Variants in AHCY observed in about 807,000 individuals in gnomAD.
AHCY encodes adenosylhomocysteinase.
A neutral mutation model predicts 45.4 loss-of-function variants in AHCY; 24 were observed. The observed-to-expected ratio is 0.53, with a 90% CI of 0.38 to 0.74. The LOEUF is 0.74. AHCY is among the 30% of genes least tolerant of loss of function. The pLI, the probability that AHCY is intolerant of heterozygous loss-of-function variation, is 0.00. For missense variants in AHCY, 449 were observed against 594.1 expected (o/e 0.76, Z 2.54); for synonymous variants, 245 against 235.1 (o/e 1.04, Z -0.39).
chr20:34,277,248 C>T (rs1368270396), downstream of AHCY, among the ~76,000 whole-genome samples: 1 of 152,138 alleles, frequency 6.6e-6, no homozygotes. Flanking sequence ...GACATGGACT[C>T]GGGTGGGACA....
intron 5 of AHCY, among the ~76,000 whole-genome samples, 179 bp from the exon 6 acceptor site, chr20:34,291,117 G>C (rs2036372717): frequency 1.3e-5 from 2 of 152,302 alleles, no homozygotes; most frequent in South Asian, 4.1e-4. Flanking sequence ...TCGGCTCAAA[G>C]AGCTTCTCTC....
chr20:34,240,298 T>A, the AHCY span, among the ~76,000 whole-genome samples: 1 of 152,174 alleles, frequency 6.6e-6, no homozygotes, highest in South Asian at 2.1e-4. Context: ...GCTGGGCTTG[T>A]GAAAAATTTA....
the AHCY span, among the ~76,000 whole-genome samples, chr20:34,258,845 GTATA>G: frequency 3.6e-3 from 420 of 116,568 alleles, 2 homozygotes; most frequent in Non-Finnish European, 6.2e-3. Flanking sequence ...TATATATAGT[GTATA>G]TATAATATAT....
rs1298093501 is a variant in AHCY, at chr20:34,303,346, C to T, written c.-76G>A. 10 of 1,543,978 alleles carry T rather than the reference C, an allele frequency of 6.5e-6. No homozygotes were observed. Among genetic ancestry groups the T allele is most frequent in the East Asian group, 2.4e-5 (1 of 40,880 alleles). ...GGGAACAGGAACTGGGCGGGCAGCGCCGAGCAGGGATATGCGCGTGGCGCC... is the reference window on the plus strand; with the variant it reads ...GGGAACAGGAACTGGGCGGGCAGCGTCGAGCAGGGATATGCGCGTGGCGCC... On this transcript the variant is annotated 5_prime_UTR_variant, in exon 1 of 10. Coordinates refer to ENST00000217426, the MANE Select transcript of AHCY (RefSeq NM_000687.4).
the AHCY span, among the ~76,000 whole-genome samples, chr20:34,268,187 A>C: frequency 6.6e-6 from 1 of 152,200 alleles, no homozygotes; most frequent in African/African-American, 2.4e-5. Flanking sequence ...GCCACAGATG[A>C]CCAGTGGCTA....
intron 1 of AHCY, among the ~76,000 whole-genome samples, chr20:34,309,493 C>T (rs867793850): frequency 3.9e-5 from 6 of 152,296 alleles, no homozygotes; most frequent in African/African-American, 1.4e-4. Flanking sequence ...AACAGCAAGA[C>T]CTCCTCTCTT....
At chr20:34,252,722 G>T in the AHCY span, among the ~76,000 whole-genome samples, 1 of 152,114 alleles carries the variant, frequency 6.6e-6, no homozygotes, top group Admixed American at 6.6e-5. Context: ...GGATGGTAAG[G>T]TCTTTCCTTT....
downstream of AHCY, among the ~76,000 whole-genome samples, chr20:34,277,681 G>C (rs560555644): frequency 8.7e-4 from 131 of 151,162 alleles, 1 homozygote; most frequent in Non-Finnish European, 1.5e-4. Flanking sequence ...CGTGAACCTG[G>C]GAGGCGGAGC....
At chr20:34,242,902 GAGA>G in the AHCY span, among the ~76,000 whole-genome samples, 10 of 152,246 alleles carry the variant, frequency 6.6e-5, no homozygotes, top group Non-Finnish European at 1.2e-4. Flanking sequence ...CATGATTACT[GAGA>G]AGGAGAAAAG....
At chr20:34,237,921 A>T in the AHCY span, among the ~76,000 whole-genome samples, 1 of 152,022 alleles carries the variant, frequency 6.6e-6, no homozygotes, top group Non-Finnish European at 1.5e-5. Flanking sequence ...CTGATATAGG[A>T]TTCTTGGTTG....
At chr20:34,250,154 A>G in the AHCY span, 5 of 152,278 alleles carry the variant, frequency 3.3e-5, no homozygotes, top group African/African-American at 4.8e-5. Flanking sequence ...GGAAGCCACT[A>G]TTATGACTAA....
At chr20:34,260,455 G>C in the AHCY span, 1 of 1,614,168 alleles carries the variant, frequency 6.2e-7, no homozygotes, top group African/African-American at 1.3e-5. Context: ...TGCCACCTGA[G>C]GAGAAGCTCC....
chr20:34,281,263 T>G (rs182043752), intron 9 of AHCY, 98 bp from the exon 10 acceptor site: 2 of 1,555,396 alleles, frequency 1.3e-6, no homozygotes, highest in East Asian at 4.5e-5. Context: ...CTGTTAGGGT[T>G]TCTGCCATGT....
At chr20:34,303,948 A>ATC (rs2122840063), upstream of AHCY, among the ~76,000 whole-genome samples, 1 of 152,298 alleles carries the variant, frequency 6.6e-6, no homozygotes, top group South Asian at 2.1e-4. Flanking sequence ...GCAGTGAGCT[A>ATC]TCATCCCACC....
At chr20:34,273,052 G>A in the AHCY span, among the ~76,000 whole-genome samples, 3 of 152,178 alleles carry the variant, frequency 2.0e-5, no homozygotes, top group Admixed American at 2.0e-4. Flanking sequence ...GCTCTCTGAA[G>A]CCTGTCCTCT....
chr20:34,295,504 T>A lies in AHCY; in HGVS notation c.110A>T (p.Glu37Val), dbSNP rs746513037. 3.4e-5 allele frequency: 55 copies of A among 1,613,878 alleles called. No individual in the cohort carries two copies. The Middle Eastern group carries it at 5.6e-3, about 164-fold the overall frequency. The change falls in exon 2 of 10, where the codon GAG (glutamate) becomes GTG (valine). Residue 37 changes from glutamate (E) to valine (V), a missense_variant. Glu to Val is a moderately radical substitution (Grantham distance 121). Transcript: ENST00000217426. ...NEMPGLMRMRERYSASKPLKG... is the reference protein window; with the variant it reads ...NEMPGLMRMRVRYSASKPLKG... ...CAGTGGCTTGGAGGCCGAGTACCGC[T>A]CCCGCATACGCATCAGGCCCGGCAT...
At chr20:34,269,717 G>A in the AHCY span, among the ~76,000 whole-genome samples, 4 of 151,874 alleles carry the variant, frequency 2.6e-5, no homozygotes, top group African/African-American at 9.7e-5. Context: ...GGCCGAGGCG[G>A]GCGGATCTCC....
chr20:34,261,364 T>C, the AHCY span, among the ~76,000 whole-genome samples: 1 of 152,154 alleles, frequency 6.6e-6, no homozygotes, highest in African/African-American at 2.4e-5. Context: ...GCAAGGCACG[T>C]GGCATGCACC....
the AHCY span, among the ~76,000 whole-genome samples, chr20:34,232,877 T>C: frequency 1.7e-4 from 26 of 152,332 alleles, no homozygotes; most frequent in East Asian, 4.4e-3. Flanking sequence ...CTGATGACAG[T>C]GTGCCTCAAA....
Sources: gnomAD v4.1 joint callset for allele counts (sites outside exome capture counted in the v4.1 genomes callset) on GRCh38, gnomAD v4.1.1 for gene constraint, MANE v1.5 for transcripts, NCBI Gene and HGNC (gene_info 2026-07-23, HGNC 2026-07-21) for gene names.